The following TOP2B variants were observed in gnomAD, a reference collection of about 807,000 sequenced individuals.
The protein encoded by TOP2B is DNA topoisomerase II beta.
Under a neutral mutation model 193.5 loss-of-function variants are expected in TOP2B, and 51 were observed. The ratio of observed to expected loss-of-function variants is 0.26; its 90% CI spans 0.21 to 0.33. The LOEUF (loss-of-function observed/expected upper bound fraction) is 0.33, where lower values mean the gene tolerates loss of function less well. Among genes scored for constraint, TOP2B ranks in the 10% least tolerant of loss-of-function variants. The pLI, the probability that TOP2B is intolerant of heterozygous loss-of-function variation, is 1.00. For missense variants in TOP2B, 1,378 were observed against 1,909.3 expected, an observed-to-expected ratio of 0.72 and a Z score of 5.19; for synonymous variants, 634 against 635.7, an observed-to-expected ratio of 1.00 and a Z score of 0.04.
At chr3:25,606,685 G>A (rs1417246543) in intron 31 of TOP2B, among the ~76,000 whole-genome samples, 1 of 152,088 alleles carries the variant, frequency 6.6e-6, no homozygotes, top group African/African-American at 2.4e-5. Flanking sequence ...AATCCCAGAT[G>A]TATTCACGCT....
intron 3 of TOP2B, among the ~76,000 whole-genome samples, chr3:25,643,215 C>T (rs1703313854): frequency 6.6e-6 from 1 of 152,190 alleles, no homozygotes; most frequent in Admixed American, 6.5e-5. Flanking sequence ...ACTAGGCATT[C>T]ACATAATTTA....
chr3:25,642,287 CTT>C (rs1221882521), intron 4 of TOP2B, 33 bp downstream of exon 4: 4 of 1,334,302 alleles, frequency 3.0e-6, no homozygotes, highest in Non-Finnish European at 3.1e-6. Flanking sequence ...CTGAATAAAA[CTT>C]AGCATAAAAA....
intron 4 of TOP2B, among the ~76,000 whole-genome samples, chr3:25,642,094 TAGCATACAC>T (rs1559505517): frequency 6.6e-6 from 1 of 152,012 alleles, no homozygotes; most frequent in Non-Finnish European, 1.5e-5. Flanking sequence ...GCAGCTGAAA[TAGCATACAC>T]AGCATCAAAG....
chr3:25,641,264 TTTAA>T (rs889723554), intron 4 of TOP2B, among the ~76,000 whole-genome samples: 4 of 152,296 alleles, frequency 2.6e-5, no homozygotes, highest in South Asian at 2.1e-4. Context: ...CTTTCTTAGT[TTTAA>T]TTAGAGTTGT....
chr3:25,655,307 G>A (rs180958112), intron 1 of TOP2B, among the ~76,000 whole-genome samples: 6 of 152,076 alleles, frequency 3.9e-5, no homozygotes, highest in Admixed American at 3.3e-4. Flanking sequence ...TTACTAATAA[G>A]AGAAATGAAA....
intron 28 of TOP2B, among the ~76,000 whole-genome samples, chr3:25,611,905 G>A (rs1396076896): frequency 1.3e-5 from 2 of 151,624 alleles, no homozygotes; most frequent in Non-Finnish European, 2.9e-5. Context: ...GGAGGTTTTT[G>A]TTTTGTTTTG....
chr3:25,659,899 T>C (rs1703859403), intron 1 of TOP2B, among the ~76,000 whole-genome samples: 1 of 152,196 alleles, frequency 6.6e-6, no homozygotes, highest in South Asian at 2.1e-4. Context: ...ACCATGTGCC[T>C]AAGAATTTGT....
At chr3:25,654,158 T>C (rs894562128) in intron 1 of TOP2B, among the ~76,000 whole-genome samples, 4 of 152,178 alleles carry the variant, frequency 2.6e-5, no homozygotes, top group Admixed American at 2.6e-4. Context: ...GGAAAAGAAG[T>C]AGAATTATGC....
chr3:25,646,556 C>T (rs1315690882), intron 1 of TOP2B, among the ~76,000 whole-genome samples: 1 of 152,148 alleles, frequency 6.6e-6, no homozygotes, highest in Non-Finnish European at 1.5e-5. Flanking sequence ...TATGACATCC[C>T]ACTAAAAAGA....
chr3:25,605,460 C>T (rs1702212445), intron 32 of TOP2B, among the ~76,000 whole-genome samples: 1 of 152,114 alleles, frequency 6.6e-6, no homozygotes, highest in Middle Eastern at 3.4e-3. Flanking sequence ...TTTTGACACA[C>T]TGTCAAAAAT....
intron 34 of TOP2B, 150 bp from the exon 35 acceptor site, chr3:25,599,679 G>GAAAT: frequency 4.3e-6 from 3 of 696,058 alleles, no homozygotes; most frequent in Non-Finnish European, 6.8e-6. Context: ...TAAACAATTT[G>GAAAT]GCAGTAGCAT....
At chr3:25,610,917 G>A (rs538406254) in intron 28 of TOP2B, among the ~76,000 whole-genome samples, 17 of 152,332 alleles carry the variant, frequency 1.1e-4, no homozygotes, top group African/African-American at 4.1e-4. Context: ...GAATTACTTA[G>A]TAGGCAGTCA....
Position 25,618,420 on chromosome 3 carries a change from T to G in TOP2B, c.3349A>C (p.Lys1117Gln). The change falls in exon 25 of 36, where the codon AAG (lysine) becomes CAG (glutamine). Residue 1117 changes from lysine (K) to glutamine (Q), a missense_variant and splice_region_variant. Physicochemically the swap from Lys to Gln is moderately conservative, Grantham distance 53 (BLOSUM62 1). Transcript: ENST00000264331. ...TGTCTTTTTCTGCAAATGATTACCT[T>G]TTCTTGTGCTTCTTTCCAGGCTTTC... ...PVKAWKEAQE[K>Q]AAEEDETQNQ... 1 of 1,608,730 alleles carries G rather than the reference T, an allele frequency of 6.2e-7. No individual in the cohort carries two copies. Among genetic ancestry groups the G allele is most frequent in the Non-Finnish European group, 8.5e-7 (1 of 1,175,688 alleles).
At chr3:25,651,419 A>G (rs1703585281) in intron 1 of TOP2B, among the ~76,000 whole-genome samples, 2 of 151,416 alleles carry the variant, frequency 1.3e-5, no homozygotes, top group African/African-American at 4.9e-5. Flanking sequence ...ACAAAGAGAA[A>G]TTAGAAGAAA....
In TOP2B at chr3:25,615,566, T is replaced by C; in HGVS notation, c.3372A>G (p.Thr1124=). 3 of 1,563,386 alleles carry C rather than the reference T, an allele frequency of 1.9e-6. No individual in the cohort carries two copies. Among genetic ancestry groups the C allele is most frequent in the Middle Eastern group, 1.7e-4 (1 of 5,882 alleles). Residue 1124 remains threonine (T), a synonymous_variant, in exon 26 of 36, where the codon ACA becomes ACG. Coordinates refer to ENST00000264331, the MANE Select transcript of TOP2B (RefSeq NM_001330700.2). The part of the protein sequence containing the change: ...AQEKAAEEDE[T]QNQHDDSSSD... ...AGGAACTATCATCATGCTGGTTTTG[T>C]GTTTCATCCTCTTCTGCTGCCTGTA...
In TOP2B at chr3:25,609,721, TAAAAAG is replaced by T. The variant is rs1559492968; in HGVS notation, c.3787-15_3787-10del. The T allele has an allele frequency of 1.7e-5, 24 of 1,424,876 alleles. No homozygotes were observed. The Middle Eastern group carries it at 1.1e-3, about 65-fold the overall frequency. The allele number at this position is 1,424,876 out of a possible 1,614,324, so 88.3% of individuals were successfully genotyped here. A position where few individuals can be genotyped will look rare whatever the true frequency, so the allele number is the denominator to read the frequency against. ...GCAGTATCAAGATCACCCTACATAA[TAAAAAG>T]AAAATCAAGCCACGAGTAAAAATAA... On this transcript the variant is annotated splice_polypyrimidine_tract_variant and intron_variant, in intron 28 of 35. Transcript: ENST00000264331.
At position 25,604,784 on chromosome 3, in the gene TOP2B, T is replaced by C. The variant is rs749064753; in HGVS notation, c.4465A>G (p.Ser1489Gly). ...FGLKQTDKVPSKTVAAKKGKP... is the reference protein window; with the variant it reads ...FGLKQTDKVPGKTVAAKKGKP... ...CCCTTTTTAGCAGCTACCGTTTTAC[T>C]TGGAACTTTATCTGTCTGTTTCAGA... Residue 1489 changes from serine to glycine, a missense_variant, in exon 33 of 36, where the codon AGT (serine) becomes GGT (glycine). Coordinates refer to ENST00000264331, the MANE Select transcript of TOP2B (RefSeq NM_001330700.2). 3.1e-6 allele frequency: 5 copies of C among 1,612,918 alleles called. No individual in the cohort carries two copies. Among genetic ancestry groups the C allele is most frequent in the Non-Finnish European group, 4.2e-6 (5 of 1,179,296 alleles).
intron 31 of TOP2B, 70 bp downstream of exon 31, chr3:25,607,101 C>A: frequency 6.5e-7 from 1 of 1,546,942 alleles, no homozygotes. Context: ...CTTAGAAGAG[C>A]TCACTATAAT....
intron 1 of TOP2B, 140 bp downstream of exon 1, chr3:25,664,089 C>A: frequency 1.6e-6 from 2 of 1,262,628 alleles, no homozygotes; most frequent in African/African-American, 1.5e-5. Flanking sequence ...CTGGAGGATT[C>A]TGCAAGCACA....
Sources: allele counts gnomAD v4.1 joint callset (sites outside exome capture counted in the v4.1 genomes callset), GRCh38; gene constraint gnomAD v4.1.1; transcripts MANE v1.5; gene names NCBI Gene and HGNC (gene_info 2026-07-23, HGNC 2026-07-21).